CNTNAP2: variants seen among roughly 807,000 people sequenced by gnomAD.
The protein encoded by CNTNAP2 is contactin associated protein 2.
A neutral mutation model predicts 155.2 loss-of-function variants in CNTNAP2; 98 were observed. That is an observed-to-expected ratio of 0.63 (90% CI 0.54 to 0.75). The LOEUF (loss-of-function observed/expected upper bound fraction) is 0.75, where lower values mean the gene tolerates loss of function less well. Ranked by LOEUF, CNTNAP2 falls within the 30% of genes least tolerant of loss-of-function variation. The pLI is 0.00. For missense variants in CNTNAP2, 1,727 were observed against 1,688.1 expected (o/e 1.02, Z -0.40); for synonymous variants, 651 against 631.2 (o/e 1.03, Z -0.47).
At chr7:147,534,860 C>A (rs2116732140) in intron 11 of CNTNAP2, among the ~76,000 whole-genome samples, 1 of 152,146 alleles carries the variant, frequency 6.6e-6, no homozygotes, top group South Asian at 2.1e-4. Flanking sequence ...AGTAGATATC[C>A]AAAGACTTCA....
chr7:146,334,396 A>G (rs1009499693), intron 1 of CNTNAP2, among the ~76,000 whole-genome samples: 15 of 147,066 alleles, frequency 1.0e-4, no homozygotes, highest in Admixed American at 8.5e-4. Context: ...GTGCCACTGC[A>G]CTCCAGCCTG....
chr7:147,264,052 T>C (rs868198968), intron 8 of CNTNAP2, among the ~76,000 whole-genome samples: 1 of 152,190 alleles, frequency 6.6e-6, no homozygotes, highest in African/African-American at 2.4e-5. Flanking sequence ...ATGTAAGCAA[T>C]GTGTTTGCTT....
At chr7:146,440,506 G>A (rs532023322) in intron 1 of CNTNAP2, among the ~76,000 whole-genome samples, 2 of 151,590 alleles carry the variant, frequency 1.3e-5, no homozygotes, top group African/African-American at 4.9e-5. Context: ...TTAATGAAGT[G>A]GATGGGTATG....
chr7:148,217,142 T>A, intron 18 of CNTNAP2, 146 bp from the exon 19 acceptor site: 2 of 719,582 alleles, frequency 2.8e-6, no homozygotes, highest in South Asian at 3.3e-5. Flanking sequence ...TTTGTGTTGA[T>A]GCAATAGCAT....
At chr7:146,974,466 AAAAT>A (rs1466967763) in intron 3 of CNTNAP2, among the ~76,000 whole-genome samples, 1 of 152,068 alleles carries the variant, frequency 6.6e-6, no homozygotes, top group Admixed American at 6.6e-5. Context: ...AAAAAAATAA[AAAAT>A]AAAGTCAGTT....
chr7:146,817,309 T>TA (rs1423402395), intron 2 of CNTNAP2, among the ~76,000 whole-genome samples: 2 of 151,742 alleles, frequency 1.3e-5, no homozygotes, highest in Non-Finnish European at 1.5e-5. Flanking sequence ...CTGCTTCTAC[T>TA]AAAAAAACAA....
At chr7:146,369,029 G>GTATATATATATATATATATATACATATA (rs1795194596) in intron 1 of CNTNAP2, among the ~76,000 whole-genome samples, 1 of 137,374 alleles carries the variant, frequency 7.3e-6, no homozygotes, top group South Asian at 2.4e-4. Flanking sequence ...AAAGCATTAT[G>GTATATATATATATATATATATACATATA]TATATATATA....
intron 16 of CNTNAP2, among the ~76,000 whole-genome samples, chr7:148,136,660 A>G (rs1289107238): frequency 6.6e-6 from 1 of 152,212 alleles, no homozygotes; most frequent in African/African-American, 2.4e-5. Context: ...AGCTGTTTCC[A>G]TTCATTCTCT....
chr7:148,043,677 AC>A (rs1802717907), intron 15 of CNTNAP2, among the ~76,000 whole-genome samples: 1 of 152,196 alleles, frequency 6.6e-6, no homozygotes, highest in African/African-American at 2.4e-5. Flanking sequence ...TTAAGTAGGT[AC>A]CTGACCTGCA....
chr7:147,361,712 C>A (rs900929196), intron 9 of CNTNAP2, among the ~76,000 whole-genome samples: 7 of 151,966 alleles, frequency 4.6e-5, no homozygotes, highest in Middle Eastern at 3.4e-3. Flanking sequence ...AGAATTTTGT[C>A]TGTTTTTTTT....
At chr7:147,594,810 A>G (rs1346441293) in intron 12 of CNTNAP2, among the ~76,000 whole-genome samples, 1 of 152,210 alleles carries the variant, frequency 6.6e-6, no homozygotes, top group African/African-American at 2.4e-5. Flanking sequence ...GCTCTAAAGT[A>G]AGAAGCAATA....
chr7:147,696,819 A>G (rs906873730), intron 13 of CNTNAP2, among the ~76,000 whole-genome samples: 3 of 151,948 alleles, frequency 2.0e-5, no homozygotes, highest in African/African-American at 7.3e-5. Flanking sequence ...AACACCTTGA[A>G]TATTTAACTC....
At chr7:146,929,726 A>G (rs985853780) in intron 3 of CNTNAP2, among the ~76,000 whole-genome samples, 4 of 152,230 alleles carry the variant, frequency 2.6e-5, no homozygotes, top group Admixed American at 2.6e-4. Flanking sequence ...AGAATAACCA[A>G]TACAGAGAAG....
intron 18 of CNTNAP2, among the ~76,000 whole-genome samples, chr7:148,181,524 G>T (rs62471739): frequency 0.017 from 2,573 of 152,198 alleles, 31 homozygotes; most frequent in Non-Finnish European, 0.024. Flanking sequence ...ATAGAATTTT[G>T]TGGTGGTAAA....
chr7:146,742,959 TA>T, intron 1 of CNTNAP2, among the ~76,000 whole-genome samples: 1 of 152,180 alleles, frequency 6.6e-6, no homozygotes, highest in Admixed American at 6.5e-5. Flanking sequence ...TTCATTTTTT[TA>T]AAAAAAGTAT....
chr7:147,740,883 A>T (rs373451869), intron 13 of CNTNAP2, among the ~76,000 whole-genome samples: 1 of 152,204 alleles, frequency 6.6e-6, no homozygotes, highest in Admixed American at 6.5e-5. Flanking sequence ...CCCAGGCAGA[A>T]GTCCTCAAGC....
chr7:148,233,772 G>T (rs1045883874), intron 20 of CNTNAP2, among the ~76,000 whole-genome samples: 2 of 152,212 alleles, frequency 1.3e-5, no homozygotes, highest in African/African-American at 4.8e-5. Context: ...GTTTTGGAAT[G>T]TGTCCCTGTC....
chr7:147,343,275 A>G (rs1057414014), intron 9 of CNTNAP2, among the ~76,000 whole-genome samples: 1 of 152,128 alleles, frequency 6.6e-6, no homozygotes, highest in East Asian at 1.9e-4. Flanking sequence ...TCCTAGCCAT[A>G]ATCTTGGTCT....
At chr7:147,624,500 GT>G (rs1794933135) in intron 12 of CNTNAP2, among the ~76,000 whole-genome samples, 1 of 152,092 alleles carries the variant, frequency 6.6e-6, no homozygotes, top group Admixed American at 6.6e-5. Context: ...AAACAGACAT[GT>G]GAAAAAGTGC....
Sources: allele counts gnomAD v4.1 joint callset (sites outside exome capture counted in the v4.1 genomes callset), GRCh38; gene constraint gnomAD v4.1.1; transcripts MANE v1.5; gene names NCBI Gene and HGNC (gene_info 2026-07-23, HGNC 2026-07-21).